DCLK1: variants seen among roughly 807,000 people sequenced by gnomAD.
DCLK1 encodes doublecortin like kinase 1, also known as serine/threonine-protein kinase DCLK1.
Under a neutral mutation model 86.2 loss-of-function variants are expected in DCLK1, and 16 were observed. That is an observed-to-expected ratio of 0.19 (90% CI 0.13 to 0.28). The LOEUF is 0.28. DCLK1 is among the 10% of genes least tolerant of loss of function. The probability of loss-of-function intolerance (pLI) is 1.00; values close to 1 mark genes in which losing one functional copy is unlikely to be tolerated. For synonymous variants in DCLK1, 369 were observed against 370.5 expected, an observed-to-expected ratio of 1.00 and a Z score of 0.05; for missense variants, 590 against 940.2, an observed-to-expected ratio of 0.63 and a Z score of 4.87.
At chr13:36,130,736 G>GGA (rs568962251) in intron 1 of DCLK1, among the ~76,000 whole-genome samples, 337 of 152,226 alleles carry the variant, frequency 2.2e-3, no homozygotes, top group African/African-American at 7.6e-3. Flanking sequence ...CTCCTTCCTT[G>GGA]GTTCCCGCTC....
chr13:36,100,168 C>A (rs1435649784), intron 3 of DCLK1, among the ~76,000 whole-genome samples: 1 of 90,706 alleles, frequency 1.1e-5, no homozygotes, highest in Non-Finnish European at 2.0e-5. Context: ...CAGGGCAAAA[C>A]CCTGTCTCTA....
In DCLK1 at chr13:35,839,195, C is replaced by T. The variant is rs780856681; in HGVS notation, c.1036-19G>A. On this transcript the variant is annotated intron_variant, in intron 6 of 16. Transcript: ENST00000360631. ...GAGAGCTCTGTAGGGGAACAGAAACCGGTAATTCAAAAACTGGGTCAGAAT... is the reference window on the plus strand; with the variant it reads ...GAGAGCTCTGTAGGGGAACAGAAACTGGTAATTCAAAAACTGGGTCAGAAT... 16 of 1,560,194 alleles carry T rather than the reference C, an allele frequency of 1.0e-5. No individual in the cohort carries two copies. The highest frequency in any genetic ancestry group is 3.9e-5 in the Admixed American group (2 of 51,546).
At chr13:36,030,462 A>G (rs1025977452) in intron 3 of DCLK1, among the ~76,000 whole-genome samples, 18 of 81,840 alleles carry the variant, frequency 2.2e-4, no homozygotes, top group Non-Finnish European at 3.8e-4. Context: ...ACACCTGGCT[A>G]ATTTTTTTTT....
chr13:35,827,550 T>C (rs1210709504), intron 10 of DCLK1, 85 bp downstream of exon 10: 12 of 1,503,308 alleles, frequency 8.0e-6, no homozygotes, highest in Non-Finnish European at 1.1e-5. Flanking sequence ...TGAATACTGA[T>C]GGGAGAAAAT....
chr13:35,850,109 C>T, intron 6 of DCLK1: 1 of 985,000 alleles, frequency 1.0e-6, no homozygotes, highest in Non-Finnish European at 1.2e-6. Flanking sequence ...GTGTCGTTGT[C>T]ATAATTTTTC....
At chr13:35,891,840 T>C (rs1186712290) in intron 4 of DCLK1, among the ~76,000 whole-genome samples, 4 of 152,200 alleles carry the variant, frequency 2.6e-5, no homozygotes, top group African/African-American at 4.8e-5. Flanking sequence ...TCAGCTGTCC[T>C]CTTTCCCTTC....
intron 3 of DCLK1, among the ~76,000 whole-genome samples, chr13:36,037,593 C>T (rs180781977): frequency 2.1e-4 from 32 of 152,124 alleles, no homozygotes; most frequent in Middle Eastern, 3.4e-3. Context: ...AAGCGATTCT[C>T]GTGCCTCAGT....
At position 36,073,244 on chromosome 13, in the gene DCLK1, A is replaced by G. The variant is rs187837346; in HGVS notation, c.723+38625T>C. On this transcript the variant is annotated intron_variant, in intron 3 of 16. Transcript: ENST00000360631. ...CCTCATGCCTGTTTGCAGTCATGCT[A>G]TCCTCCTACGTCCAGCCCCAGACAA... is the stretch of plus-strand genomic sequence containing the variant. Among the ~76,000 whole-genome samples, 29 of 152,312 alleles carry G rather than the reference A, an allele frequency of 1.9e-4. 1 individual carries two copies. Among genetic ancestry groups the G allele is most frequent in the African/African-American group, 6.7e-4 (28 of 41,576 alleles).
At position 35,822,688 on chromosome 13, in the gene DCLK1, G is replaced by A. The variant is rs754625470; in HGVS notation, c.1554+41C>T. ...GAAATATTCATATTCCTTCATGAGT[G>A]CTTGGAACTCAGGATGCCCTGTAGG... On this transcript the variant is annotated intron_variant, in intron 11 of 16. Coordinates refer to ENST00000360631, the MANE Select transcript of DCLK1 (RefSeq NM_001330071.2). 13 of 1,611,444 alleles carry A rather than the reference G, an allele frequency of 8.1e-6. No homozygotes were observed. In the Admixed American group the frequency reaches 1.7e-4, roughly 21 times the overall value.
At chr13:36,057,150 G>A (rs1481819404) in intron 3 of DCLK1, among the ~76,000 whole-genome samples, 1 of 152,068 alleles carries the variant, frequency 6.6e-6, no homozygotes, top group Non-Finnish European at 1.5e-5. Context: ...ATTTGATGAT[G>A]ATGATGATGA....
At chr13:35,912,758 C>T (rs7985883) in intron 4 of DCLK1, among the ~76,000 whole-genome samples, 2,859 of 152,282 alleles carry the variant, frequency 0.019, 88 homozygotes, top group African/African-American at 0.059. Context: ...ATCACAGTGG[C>T]CCTTTGCCCT....
chr13:36,119,772 C>T (rs758313285), intron 2 of DCLK1, among the ~76,000 whole-genome samples: 1 of 152,074 alleles, frequency 6.6e-6, no homozygotes, highest in Non-Finnish European at 1.5e-5. Context: ...GAGAAGCAGA[C>T]ACAACAACTA....
At chr13:35,958,066 GCACCAC>G (rs138785659) in intron 3 of DCLK1, among the ~76,000 whole-genome samples, 8 of 55,406 alleles carry the variant, frequency 1.4e-4, no homozygotes, top group African/African-American at 2.2e-4. Context: ...ATAACCACTA[GCACCAC>G]CACCACTACT....
intron 4 of DCLK1, among the ~76,000 whole-genome samples, chr13:35,910,284 T>C (rs1256822599): frequency 1.3e-5 from 2 of 152,184 alleles, no homozygotes; most frequent in Admixed American, 6.5e-5. Flanking sequence ...TGAGGAGACA[T>C]TGTTACATCT....
At chr13:36,092,707 C>T (rs1480744696) in intron 3 of DCLK1, among the ~76,000 whole-genome samples, 2 of 151,728 alleles carry the variant, frequency 1.3e-5, no homozygotes, top group Non-Finnish European at 2.9e-5. Flanking sequence ...GGGATGGTCT[C>T]GATCTCCTGA....
chr13:35,836,842 T>A (rs906907224), intron 7 of DCLK1, among the ~76,000 whole-genome samples: 1 of 152,216 alleles, frequency 6.6e-6, no homozygotes, highest in African/African-American at 2.4e-5. Context: ...TTGAAATATT[T>A]TACAAATGCC....
At chr13:35,848,566 G>A in intron 6 of DCLK1, 1 of 985,290 alleles carries the variant, frequency 1.0e-6, no homozygotes. Flanking sequence ...ATTAGTACAA[G>A]TCCAGTTTCT....
intron 4 of DCLK1, among the ~76,000 whole-genome samples, chr13:35,891,090 C>T (rs1286764520): frequency 6.6e-6 from 1 of 152,024 alleles, no homozygotes. Flanking sequence ...TGTAAGGAGA[C>T]TATCCAATAT....
chr13:35,807,008 G>T (rs2087040843), intron 14 of DCLK1, among the ~76,000 whole-genome samples: 1 of 152,124 alleles, frequency 6.6e-6, no homozygotes, highest in African/African-American at 2.4e-5. Context: ...AAAAGCAAAG[G>T]CATAAACATT....
Sources: gnomAD v4.1 joint callset for allele counts (sites outside exome capture counted in the v4.1 genomes callset) on GRCh38, gnomAD v4.1.1 for gene constraint, MANE v1.5 for transcripts, NCBI Gene and HGNC (gene_info 2026-07-23, HGNC 2026-07-21) for gene names.